TBC1D30: variants seen among roughly 807,000 people sequenced by gnomAD.
TBC1D30 encodes TBC1 domain family member 30.
Under a neutral mutation model 63.2 loss-of-function variants are expected in TBC1D30, and 31 were observed. That is an observed-to-expected ratio of 0.49 (90% CI 0.37 to 0.66). The LOEUF (loss-of-function observed/expected upper bound fraction) is 0.66, where lower values mean the gene tolerates loss of function less well. Among genes scored for constraint, TBC1D30 ranks in the 30% least tolerant of loss-of-function variants. The probability of loss-of-function intolerance (pLI) is 0.00; values close to 1 mark genes in which losing one functional copy is unlikely to be tolerated. For synonymous variants in TBC1D30, 307 were observed against 361.5 expected, an observed-to-expected ratio of 0.85 and a Z score of 1.71; for missense variants, 810 against 953.6, an observed-to-expected ratio of 0.85 and a Z score of 1.98.
chr12:64,764,464 C>T (rs1565632690), intron 1 of TBC1D30, among the ~76,000 whole-genome samples: 2 of 152,132 alleles, frequency 1.3e-5, no homozygotes, highest in African/African-American at 2.4e-5. Context: ...TCTCTGGCCA[C>T]GATGGAGTAA....
rs1241297375 is a variant in TBC1D30, at chr12:64,878,847, T to C, written c.*3059T>C. On this transcript the variant is annotated 3_prime_UTR_variant, in exon 12 of 12. Transcript: ENST00000539867. The stretch of plus-strand genomic sequence containing the variant: ...TTGCAGACTCGCTGGTTCCTGAATA[T>C]GAGTAAGCACAGAGTTTACCTAGAG... The C allele has an allele frequency of 4.3e-6, 1 of 231,844 alleles. No homozygotes were observed. Among genetic ancestry groups the C allele is most frequent in the Non-Finnish European group, 8.8e-6 (1 of 113,860 alleles). The allele number at this position is 231,844 out of a possible 1,614,324, so 14.4% of individuals were successfully genotyped here. A position where few individuals can be genotyped will look rare whatever the true frequency, so the allele number is the denominator to read the frequency against.
At chr12:64,776,097 A>G (rs1335133106), upstream of TBC1D30, among the ~76,000 whole-genome samples, 1 of 152,240 alleles carries the variant, frequency 6.6e-6, no homozygotes, top group East Asian at 1.9e-4. Flanking sequence ...AAGATATGAC[A>G]TACCAGAATC....
At chr12:64,785,441 C>T (rs911968902) in intron 1 of TBC1D30, among the ~76,000 whole-genome samples, 1 of 128,520 alleles carries the variant, frequency 7.8e-6, no homozygotes, top group Non-Finnish European at 1.6e-5. Flanking sequence ...AGCCACCACG[C>T]CTGGCCTTTA....
intron 2 of TBC1D30, among the ~76,000 whole-genome samples, chr12:64,809,506 T>G (rs1054733202): frequency 1.3e-5 from 2 of 152,230 alleles, no homozygotes; most frequent in East Asian, 3.8e-4. Flanking sequence ...GATGGGCATT[T>G]AGGTTGGTTC....
chr12:64,870,785 T>C lies in TBC1D30; in HGVS notation c.1475T>C (p.Val492Ala). 1 of 1,536,014 alleles carries C rather than the reference T, an allele frequency of 6.5e-7. No individual in the cohort carries two copies. The highest frequency in any genetic ancestry group is 1.4e-5 in the African/African-American group (1 of 73,140). Residue 492 changes from valine (V) to alanine (A), a missense_variant, in exon 11 of 12, where the codon GTT becomes GCT. Coordinates refer to ENST00000539867, the MANE Select transcript of TBC1D30 (RefSeq NM_015279.2). ...SRIKKKQQQQVHQVYIRADKG... is the reference protein window; with the variant it reads ...SRIKKKQQQQAHQVYIRADKG... ...ATTAAAAAGAAGCAACAGCAGCAGGTTCATCAGGTGTACATCAGGGCAGGT... is the reference window on the plus strand; with the variant it reads ...ATTAAAAAGAAGCAACAGCAGCAGGCTCATCAGGTGTACATCAGGGCAGGT...
chr12:64,802,054 G>A (rs1417606553), intron 2 of TBC1D30, among the ~76,000 whole-genome samples: 1 of 152,112 alleles, frequency 6.6e-6, no homozygotes, highest in African/African-American at 2.4e-5. Context: ...TGTTTGTAAT[G>A]GACTCTGTAT....
chr12:64,824,364 T>TA (rs1874095230), upstream of TBC1D30, among the ~76,000 whole-genome samples: 1 of 152,202 alleles, frequency 6.6e-6, no homozygotes, highest in Non-Finnish European at 1.5e-5. Flanking sequence ...TGCTTGCCCT[T>TA]ACGGGTGTTC....
intron 2 of TBC1D30, among the ~76,000 whole-genome samples, chr12:64,801,913 A>T (rs1426940603): frequency 6.6e-6 from 1 of 152,128 alleles, no homozygotes; most frequent in Non-Finnish European, 1.5e-5. Flanking sequence ...CCCCTCCCCA[A>T]ACTGCAGGAG....
At position 64,840,979 on chromosome 12, in the gene TBC1D30, C is replaced by T. The variant is rs148727834; in HGVS notation, c.932+2128C>T. The stretch of plus-strand genomic sequence containing the variant: ...AACACATCATCTCATTCAGTTCTCC[C>T]AATAACCCTGTGGAGTAGATAGGGT... On this transcript the variant is annotated intron_variant, in intron 7 of 11. Transcript: ENST00000539867. 8.8e-4 allele frequency among the ~76,000 whole-genome samples: 134 copies of T among 152,282 alleles called. 1 individual carries two copies. The highest frequency in any genetic ancestry group is 3.0e-3 in the African/African-American group (125 of 41,554).
Position 64,878,198 on chromosome 12 carries a change from A to G in TBC1D30, c.*2410A>G, listed in dbSNP as rs572176558. On this transcript the variant is annotated 3_prime_UTR_variant, in exon 12 of 12. Transcript: ENST00000539867. ...AGATTCCTATTAAAGCACTCTGTGT[A>G]CCAATAACATGCATGCATTGTACCA... The G allele has an allele frequency of 7.4e-6, 2 of 269,540 alleles. No individual in the cohort carries two copies. The highest frequency in any genetic ancestry group is 4.4e-5 in the African/African-American group (2 of 45,926). The allele number at this position is 269,540 out of a possible 1,614,324, so 16.7% of individuals were successfully genotyped here. A position where few individuals can be genotyped will look rare whatever the true frequency, so the allele number is the denominator to read the frequency against.
chr12:64,842,748 A>G (rs2136401560), intron 7 of TBC1D30, among the ~76,000 whole-genome samples: 1 of 152,236 alleles, frequency 6.6e-6, no homozygotes, highest in African/African-American at 2.4e-5. Context: ...GTTTTTTAGT[A>G]CCCAATTTCA....
In TBC1D30 at chr12:64,791,259, T is replaced by C. The variant is rs1871902908; in HGVS notation, c.643+5214T>C. On this transcript the variant is annotated intron_variant, in intron 2 of 12. Transcript: ENST00000542120. The stretch of plus-strand genomic sequence containing the variant: ...AAGTAGATTAGTGGTTGCTAGAGGC[T>C]GGGGGTAGGGGAATGGGCAGTGACT... Among the ~76,000 whole-genome samples the C allele has an allele frequency of 3.9e-5, 6 of 152,270 alleles. No homozygotes were observed. The South Asian group carries it at 1.2e-3, about 32-fold the overall frequency.
chr12:64,782,880 C>A (rs909086243), intron 1 of TBC1D30, among the ~76,000 whole-genome samples: 11 of 152,300 alleles, frequency 7.2e-5, no homozygotes, highest in Admixed American at 1.3e-4. Context: ...TAGTCCTATA[C>A]ACACATATGC....
intron 4 of TBC1D30, among the ~76,000 whole-genome samples, chr12:64,831,337 T>C (rs920579053): frequency 3.3e-5 from 5 of 152,260 alleles, no homozygotes; most frequent in African/African-American, 1.2e-4. Flanking sequence ...ATTATTCACA[T>C]TTAAGCTATA....
intron 8 of TBC1D30, among the ~76,000 whole-genome samples, chr12:64,852,123 G>A (rs1876928863): frequency 6.6e-6 from 1 of 152,152 alleles, no homozygotes; most frequent in Non-Finnish European, 1.5e-5. Context: ...TTCCAACTCA[G>A]TTCCATTCTT....
Position 64,836,611 on chromosome 12 carries a change from C to G in TBC1D30, c.716C>G (p.Ser239Cys), listed in dbSNP as rs1173158561. 1 of 1,535,844 alleles carries G rather than the reference C, an allele frequency of 6.5e-7. No homozygotes were observed. Among genetic ancestry groups the G allele is most frequent in the Non-Finnish European group, 8.7e-7 (1 of 1,146,862 alleles). The change falls in exon 6 of 12, where the codon TCT becomes TGT. Residue 239 changes from serine to cysteine, a missense_variant. Physicochemically the swap from Ser to Cys is moderately radical, Grantham distance 112 (BLOSUM62 -1). Transcript: ENST00000539867. The part of the protein sequence containing the change: ...DLLRMKLPEL[S>C]QHLDTLQRTA... ...TTAAGAATGAAGCTGCCGGAATTAT[C>G]TCAGCACCTGGATACTCTTCAGAGA...
At chr12:64,780,716 C>T in exon 1 of TBC1D30, 2 of 978,846 alleles carry the variant, frequency 2.0e-6, no homozygotes, top group Non-Finnish European at 2.4e-6. Context: ...GAGGGCACCA[C>T]CGGCGAGGAC....
chr12:64,832,264 T>C lies in TBC1D30; in HGVS notation c.554T>C (p.Ile185Thr). 6.5e-7 allele frequency: 1 copy of C among 1,536,124 alleles called. No individual in the cohort carries two copies. The highest frequency in any genetic ancestry group is 8.7e-7 in the Non-Finnish European group (1 of 1,146,904). The change falls in exon 5 of 12, where the codon ATT becomes ACT. Residue 185 changes from isoleucine to threonine, a missense_variant. This residue lies in a region of TBC1D30 where 272 missense variants were observed against 335.9 expected (regional missense o/e 0.81). Coordinates refer to ENST00000539867, the MANE Select transcript of TBC1D30 (RefSeq NM_015279.2). The part of the protein sequence containing the change: ...CQGFNILAAL[I>T]LEVMEGNEGD... ...GGCTTTAACATCCTGGCTGCACTAA[T>C]TCTGGAAGTGATGGAAGGCAATGAA... is the stretch of plus-strand genomic sequence containing the variant.
intron 5 of TBC1D30, among the ~76,000 whole-genome samples, chr12:64,832,972 A>G (rs1234150331): frequency 1.3e-5 from 2 of 152,172 alleles, no homozygotes; most frequent in Non-Finnish European, 2.9e-5. Context: ...ATCAGAAGTG[A>G]CATCCCACTA....
Sources: gnomAD v4.1 joint callset for allele counts (sites outside exome capture counted in the v4.1 genomes callset) on GRCh38, gnomAD v4.1.1 for gene constraint, gnomAD v4.1.1 regional missense constraint, MANE v1.5 for transcripts, NCBI Gene and HGNC (gene_info 2026-07-23, HGNC 2026-07-21) for gene names.